The following FBXO36 variants were observed in gnomAD, a reference collection of about 807,000 sequenced individuals.
FBXO36 encodes the protein F-box protein 36, also known as F-box only protein 36.
In FBXO36, 18 loss-of-function variants were observed where a neutral mutation model predicts 17.0. That is an observed-to-expected ratio of 1.06 (90% CI 0.73 to 1.57). The LOEUF is 1.57. FBXO36 is among the 40% of genes most tolerant of loss of function. FBXO36 has a pLI of 0.00. For missense variants in FBXO36, 229 were observed against 221.9 expected (o/e 1.03, Z -0.20); for synonymous variants, 83 against 85.3 (o/e 0.97, Z 0.15).
chr2:229,995,893 T>G (rs768503994), intron 2 of FBXO36, among the ~76,000 whole-genome samples: 1 of 151,672 alleles, frequency 6.6e-6, no homozygotes, highest in Non-Finnish European at 1.5e-5. Context: ...TGCCCAGCCC[T>G]GTTCCTATTT....
intron 1 of FBXO36, among the ~76,000 whole-genome samples, chr2:229,956,476 G>A (rs968079454): frequency 7.9e-5 from 12 of 152,186 alleles, no homozygotes; most frequent in African/African-American, 2.9e-4. Flanking sequence ...AAGCTTATAT[G>A]CTCTCATCAC....
At chr2:229,941,297 T>C (rs1470367071) in intron 1 of FBXO36, among the ~76,000 whole-genome samples, 1 of 151,354 alleles carries the variant, frequency 6.6e-6, no homozygotes, top group Non-Finnish European at 1.5e-5. Flanking sequence ...CTACTAAAAA[T>C]ACAAAAAATT....
At chr2:230,006,802 C>G (rs1157344668) in intron 3 of FBXO36, among the ~76,000 whole-genome samples, 1 of 152,156 alleles carries the variant, frequency 6.6e-6, no homozygotes, top group African/African-American at 2.4e-5. Context: ...ACGGCCAGAC[C>G]TGACGCCGTA....
At chr2:229,964,528 C>G (rs909159229) in intron 1 of FBXO36, among the ~76,000 whole-genome samples, 4 of 152,088 alleles carry the variant, frequency 2.6e-5, no homozygotes, top group African/African-American at 7.2e-5. Context: ...CTTTTTGTTT[C>G]TTTGTTTTTG....
intron 3 of FBXO36, among the ~76,000 whole-genome samples, chr2:230,002,679 C>T (rs531234468): frequency 3.3e-5 from 5 of 152,196 alleles, no homozygotes; most frequent in Admixed American, 1.3e-4. Flanking sequence ...CCACCATGCC[C>T]GGCATTAATT....
chr2:229,956,249 G>A (rs950862048), intron 1 of FBXO36, among the ~76,000 whole-genome samples: 9 of 152,200 alleles, frequency 5.9e-5, no homozygotes, highest in Admixed American at 3.3e-4. Flanking sequence ...GGCTTCTGCC[G>A]AGGCCTCTCT....
chr2:229,932,243 C>A lies in FBXO36; in HGVS notation c.96+9634C>A, dbSNP rs60529874. Among the ~76,000 whole-genome samples, 808 of 151,882 alleles carry A rather than the reference C, an allele frequency of 5.3e-3. 9 individuals are homozygous for A. Among genetic ancestry groups the A allele is most frequent in the African/African-American group, 0.019 (783 of 41,420 alleles). ...AAAAATACAAAAATTAGCCAGGGCC[C>A]GGCACGGTGGCTTACGCCTGTTATC... On this transcript the variant is annotated intron_variant, in intron 1 of 3. Coordinates refer to ENST00000283946, the MANE Select transcript of FBXO36 (RefSeq NM_174899.5).
intron 1 of FBXO36, among the ~76,000 whole-genome samples, chr2:229,941,824 T>A (rs1261373079): frequency 6.6e-6 from 1 of 152,046 alleles, no homozygotes; most frequent in Admixed American, 6.6e-5. Flanking sequence ...CAAGACCAGC[T>A]TGGCCAACAT....
chr2:229,977,836 C>G (rs543895126), intron 2 of FBXO36, among the ~76,000 whole-genome samples: 2 of 152,330 alleles, frequency 1.3e-5, no homozygotes, highest in East Asian at 3.8e-4. Context: ...ATGAAACCCA[C>G]TGTTCCCACT....
At chr2:229,941,184 G>A (rs548781297) in intron 1 of FBXO36, among the ~76,000 whole-genome samples, 50 of 152,262 alleles carry the variant, frequency 3.3e-4, no homozygotes, top group African/African-American at 1.2e-3. Flanking sequence ...AGCCGGGCAC[G>A]GTGGCTCACG....
intron 1 of FBXO36, among the ~76,000 whole-genome samples, chr2:229,967,930 T>C (rs2077161869): frequency 6.6e-6 from 1 of 152,112 alleles, no homozygotes; most frequent in Non-Finnish European, 1.5e-5. Context: ...TTCTATTGAT[T>C]GTAATAGTTT....
chr2:229,956,155 T>C (rs1424149655), intron 1 of FBXO36, among the ~76,000 whole-genome samples: 1 of 152,218 alleles, frequency 6.6e-6, no homozygotes, highest in Non-Finnish European at 1.5e-5. Flanking sequence ...CAAACTGCCA[T>C]AGACTCGATG....
At chr2:229,974,387 T>C (rs868397279) in intron 1 of FBXO36, among the ~76,000 whole-genome samples, 1 of 152,194 alleles carries the variant, frequency 6.6e-6, no homozygotes, top group Admixed American at 6.6e-5. Flanking sequence ...TGACTTAACT[T>C]GAATGTGTGC....
At chr2:229,946,737 T>C (rs1415559377) in intron 1 of FBXO36, among the ~76,000 whole-genome samples, 1 of 152,192 alleles carries the variant, frequency 6.6e-6, no homozygotes, top group Non-Finnish European at 1.5e-5. Flanking sequence ...CTGTGTAGAC[T>C]AAACACTGTA....
intron 2 of FBXO36, among the ~76,000 whole-genome samples, chr2:229,991,940 A>G (rs2077300128): frequency 6.6e-6 from 1 of 152,142 alleles, no homozygotes; most frequent in South Asian, 2.1e-4. Flanking sequence ...TTTGCCTGAG[A>G]GTCACTTCTT....
intron 1 of FBXO36, among the ~76,000 whole-genome samples, chr2:229,926,059 G>A (rs1224588333): frequency 6.6e-6 from 1 of 151,356 alleles, no homozygotes; most frequent in African/African-American, 2.4e-5. Flanking sequence ...GGAGGCTCAG[G>A]TGGGAGGATT....
chr2:229,955,101 C>T (rs1342559558), intron 1 of FBXO36, among the ~76,000 whole-genome samples: 2 of 152,240 alleles, frequency 1.3e-5, no homozygotes, highest in Admixed American at 6.5e-5. Context: ...ATCTGCCTTC[C>T]TTGGCCTCCC....
chr2:229,998,349 G>A (rs1002869541), intron 3 of FBXO36, among the ~76,000 whole-genome samples: 2 of 151,930 alleles, frequency 1.3e-5, no homozygotes, highest in Admixed American at 6.6e-5. Flanking sequence ...ATGGCCGGGC[G>A]CGGTGGCTCA....
chr2:229,950,862 T>G (rs1354538683), intron 1 of FBXO36, among the ~76,000 whole-genome samples: 1 of 152,032 alleles, frequency 6.6e-6, no homozygotes, highest in Admixed American at 6.6e-5. Flanking sequence ...GTTCAAGTGA[T>G]TCTCCTGTCT....
Sources: allele counts gnomAD v4.1 joint callset (sites outside exome capture counted in the v4.1 genomes callset), GRCh38; gene constraint gnomAD v4.1.1; transcripts MANE v1.5; gene names NCBI Gene and HGNC (gene_info 2026-07-23, HGNC 2026-07-21).